The following IKZF1 variants were observed in gnomAD, a reference collection of about 807,000 sequenced individuals.
IKZF1 encodes the protein IKAROS family zinc finger 1.
A neutral mutation model predicts 51.7 loss-of-function variants in IKZF1; 10 were observed. The ratio of observed to expected loss-of-function variants is 0.19; its 90% confidence interval spans 0.12 to 0.33. The LOEUF (loss-of-function observed/expected upper bound fraction) is 0.33, where lower values mean the gene tolerates loss of function less well. Among genes scored for constraint, IKZF1 ranks in the 10% least tolerant of loss-of-function variants. The pLI is 1.00. For missense variants in IKZF1, 484 were observed against 707.5 expected, an observed-to-expected ratio of 0.68 and a Z score of 3.58; for synonymous variants, 280 against 282.3, an observed-to-expected ratio of 0.99 and a Z score of 0.08.
At chr7:50,305,549 C>G (rs557018302) in intron 1 of IKZF1, among the ~76,000 whole-genome samples, 1 of 152,294 alleles carries the variant, frequency 6.6e-6, no homozygotes, top group South Asian at 2.1e-4. Flanking sequence ...AATTTGGAGG[C>G]ATCTAATGAC....
intron 3 of IKZF1, among the ~76,000 whole-genome samples, chr7:50,363,982 T>C (rs141732494): frequency 6.6e-6 from 1 of 152,252 alleles, no homozygotes; most frequent in African/African-American, 2.4e-5. Context: ...AGACTAGTGA[T>C]CTCACTGTGG....
chr7:50,315,934 G>A (rs1462969042), intron 1 of IKZF1, among the ~76,000 whole-genome samples: 2 of 152,212 alleles, frequency 1.3e-5, no homozygotes, highest in Admixed American at 6.5e-5. Context: ...TGCTAACAAA[G>A]GAGTGTGACA....
At chr7:50,399,099 A>G (rs6960400) in intron 7 of IKZF1, among the ~76,000 whole-genome samples, 37,586 of 152,142 alleles carry the variant, frequency 0.25, 4,859 homozygotes, top group Middle Eastern at 0.3. Flanking sequence ...TGAGGCGTCA[A>G]CAGTAGTTCC....
At chr7:50,348,620 C>G (rs1337939307) in intron 3 of IKZF1, among the ~76,000 whole-genome samples, 3 of 152,252 alleles carry the variant, frequency 2.0e-5, no homozygotes, top group Middle Eastern at 6.8e-3. Flanking sequence ...CATTTTGTTT[C>G]GAGAATGAGC....
At position 50,358,146 on chromosome 7, in the gene IKZF1, G is replaced by A. The variant is rs781528165; in HGVS notation, c.161-18387G>A. Among the ~76,000 whole-genome samples the A allele has an allele frequency of 3.9e-5, 6 of 152,234 alleles. No homozygotes were observed. The South Asian group carries it at 1.0e-3, about 26-fold the overall frequency. On this transcript the variant is annotated intron_variant, in intron 3 of 7. Coordinates refer to ENST00000331340, the MANE Select transcript of IKZF1 (RefSeq NM_006060.6). ...GAAGAGTGTGTGACCCAAATTAGTC[G>A]TTTCCAGATATTTCCTGGTAAATGG...
intron 3 of IKZF1, among the ~76,000 whole-genome samples, chr7:50,354,304 G>A (rs1390502691): frequency 1.3e-5 from 2 of 152,186 alleles, no homozygotes; most frequent in African/African-American, 4.8e-5. Context: ...ACTGCTGTGG[G>A]TGCCCGGGCT....
chr7:50,363,636 T>C (rs558771469), intron 3 of IKZF1, among the ~76,000 whole-genome samples: 1 of 152,210 alleles, frequency 6.6e-6, no homozygotes, highest in African/African-American at 2.4e-5. Flanking sequence ...GCATGTGCAG[T>C]CCATAGATGG....
rs901375286 is a variant in IKZF1, at chr7:50,404,744, T to G, written c.*4117T>G. The G allele has an allele frequency of 5.2e-5, 12 of 230,766 alleles. No homozygotes were observed. Among genetic ancestry groups the G allele is most frequent in the Non-Finnish European group, 8.6e-5 (10 of 116,544 alleles). The allele number at this position is 230,766 out of a possible 1,614,324, so 14.3% of individuals were successfully genotyped here. On this transcript the variant is annotated 3_prime_UTR_variant, in exon 8 of 8. Transcript: ENST00000331340. ...AGTTCTCCACTGCAGCATGCTTCAG[T>G]CATTCTGTGAGTGGCCGGGCCCAGG... is the stretch of plus-strand genomic sequence containing the variant.
chr7:50,367,940 T>G, intron 3 of IKZF1: 1 of 613,644 alleles, frequency 1.6e-6, no homozygotes, highest in Non-Finnish European at 2.9e-6. Context: ...ATGCTTTCTG[T>G]TAAACTCTGA....
chr7:50,353,901 A>G (rs1044320599), intron 3 of IKZF1, among the ~76,000 whole-genome samples: 4 of 152,152 alleles, frequency 2.6e-5, no homozygotes, highest in African/African-American at 7.2e-5. Flanking sequence ...CCTCTGTTAC[A>G]AGAAGCAGAC....
intron 7 of IKZF1, among the ~76,000 whole-genome samples, chr7:50,393,578 G>C (rs1411664022): frequency 1.3e-5 from 2 of 152,332 alleles, no homozygotes; most frequent in Non-Finnish European, 2.9e-5. Flanking sequence ...GAAGGATTCA[G>C]TGTACAAAAA....
At chr7:50,351,971 G>A (rs564617767) in intron 3 of IKZF1, among the ~76,000 whole-genome samples, 43 of 152,306 alleles carry the variant, frequency 2.8e-4, no homozygotes, top group African/African-American at 1.0e-3. Context: ...ATTACAGGGA[G>A]TTAATTTGTG....
rs143537384 is a variant in IKZF1, at chr7:50,403,596, A to G, written c.*2969A>G. ...ATATCCCTTCTGTAATTTGTACCTA[A>G]AGAGTGTGATTATCCTAATTCAAGA... On this transcript the variant is annotated 3_prime_UTR_variant, in exon 8 of 8. Transcript: ENST00000331340. 270 of 228,948 alleles carry G rather than the reference A, an allele frequency of 1.2e-3. 1 individual carries two copies. The highest frequency in any genetic ancestry group is 5.4e-3 in the African/African-American group (244 of 45,150). The allele number at this position is 228,948 out of a possible 1,614,324, so 14.2% of individuals were successfully genotyped here. A position where few individuals can be genotyped will look rare whatever the true frequency, so the allele number is the denominator to read the frequency against.
intron 1 of IKZF1, among the ~76,000 whole-genome samples, chr7:50,308,303 A>T (rs1159612224): frequency 6.6e-6 from 1 of 152,216 alleles, no homozygotes; most frequent in Admixed American, 6.5e-5. Context: ...CCTAATCTAC[A>T]GGCAACTGCC....
intron 5 of IKZF1, 95 bp from the exon 6 acceptor site, chr7:50,387,250 T>TG: frequency 7.0e-7 from 1 of 1,422,790 alleles, no homozygotes; most frequent in Non-Finnish European, 9.3e-7. Flanking sequence ...AATTTTTTTT[T>TG]TAACTTTTTT....
At chr7:50,355,527 G>A (rs138861710) in intron 3 of IKZF1, among the ~76,000 whole-genome samples, 96 of 152,246 alleles carry the variant, frequency 6.3e-4, no homozygotes, top group Admixed American at 3.7e-3. Flanking sequence ...ACTGGGCTGC[G>A]TGCTAAGAGG....
At chr7:50,316,436 A>G (rs1713812686) in intron 1 of IKZF1, among the ~76,000 whole-genome samples, 1 of 152,194 alleles carries the variant, frequency 6.6e-6, no homozygotes, top group Non-Finnish European at 1.5e-5. Context: ...GTGATAGGGC[A>G]TGGAGTGGAA....
chr7:50,341,145 CTTTTTTT>C (rs1330095012), intron 3 of IKZF1, among the ~76,000 whole-genome samples: 2 of 133,830 alleles, frequency 1.5e-5, no homozygotes, highest in Non-Finnish European at 3.1e-5. Flanking sequence ...GGTATGGAGT[CTTTTTTT>C]TTTTTTTTTT....
chr7:50,404,942 A>G lies in IKZF1; in HGVS notation c.*4315A>G. The G allele has an allele frequency of 4.7e-6, 1 of 211,686 alleles. No individual in the cohort carries two copies. The allele number at this position is 211,686 out of a possible 1,614,324, so 13.1% of individuals were successfully genotyped here. A position where few individuals can be genotyped will look rare whatever the true frequency, so the allele number is the denominator to read the frequency against. ...GAGGAGTGGGGTAAATTTAAAAGTC[A>G]AGTTATAGTTTGGATGTTAGTATAG... On this transcript the variant is annotated 3_prime_UTR_variant, in exon 8 of 8. Coordinates refer to ENST00000331340, the MANE Select transcript of IKZF1 (RefSeq NM_006060.6).
Sources: gnomAD v4.1 joint callset for allele counts (sites outside exome capture counted in the v4.1 genomes callset) on GRCh38, gnomAD v4.1.1 for gene constraint, MANE v1.5 for transcripts, NCBI Gene and HGNC (gene_info 2026-07-23, HGNC 2026-07-21) for gene names.